RBFOX1: variants seen among roughly 807,000 people sequenced by gnomAD.
RBFOX1 encodes RNA binding fox-1 homolog 1.
A neutral mutation model predicts 57.7 loss-of-function variants in RBFOX1; 8 were observed. That is an observed-to-expected ratio of 0.14 (90% CI 0.08 to 0.25). The LOEUF is 0.25. RBFOX1 is among the 10% of genes least tolerant of loss of function. The probability of loss-of-function intolerance (pLI) is 1.00; values close to 1 mark genes in which losing one functional copy is unlikely to be tolerated. For synonymous variants in RBFOX1, 326 were observed against 222.4 expected (o/e 1.47, Z -4.15); for missense variants, 611 against 548.5 (o/e 1.11, Z -1.14).
intron 4 of RBFOX1, among the ~76,000 whole-genome samples, chr16:7,324,002 A>G (rs921159609): frequency 6.6e-6 from 1 of 152,178 alleles, no homozygotes; most frequent in African/African-American, 2.4e-5. Context: ...GGATCAAACA[A>G]GATCCAGCAG....
chr16:5,604,466 G>A (rs78988032), downstream of RBFOX1, among the ~76,000 whole-genome samples: 5,662 of 152,220 alleles, frequency 0.037, 248 homozygotes, highest in African/African-American at 0.11. Flanking sequence ...GGCCACCTAC[G>A]GTTCCCTGCC....
intron 3 of RBFOX1, among the ~76,000 whole-genome samples, chr16:6,741,186 A>C (rs1415276288): frequency 2.6e-5 from 4 of 152,194 alleles, no homozygotes; most frequent in African/African-American, 4.8e-5. Context: ...ATAATAATAA[A>C]TAATAAATCT....
intron 1 of RBFOX1, among the ~76,000 whole-genome samples, chr16:6,198,906 C>G (rs2097197892): frequency 6.6e-6 from 1 of 151,698 alleles, no homozygotes; most frequent in South Asian, 2.1e-4. Context: ...TTTTTTTTCC[C>G]TATCATCCGC....
chr16:6,752,708 G>T (rs2075144285), intron 3 of RBFOX1, among the ~76,000 whole-genome samples: 1 of 152,066 alleles, frequency 6.6e-6, no homozygotes, highest in South Asian at 2.1e-4. Flanking sequence ...CATGCAACAG[G>T]TGCACCTATC....
At position 5,569,465 on chromosome 16, in the gene RBFOX1, T is replaced by G. The variant is rs868514262; in HGVS notation, c.259-29437T>G. On this transcript the variant is annotated intron_variant, in intron 2 of 2. Coordinates refer to the RBFOX1 transcript ENST00000585867. ...TTTTTTTTTTTTTTTTTTTTTTTTT[T>G]TTCTTCTTCTTTTTGGAGTACTCTC... Among the ~76,000 whole-genome samples the G allele has an allele frequency of 9.4e-3, 881 of 94,156 alleles. 6 individuals carry two copies. Among genetic ancestry groups the G allele is most frequent in the African/African-American group, 0.037 (853 of 23,246 alleles). 61.8% of individuals were successfully genotyped at this position (94,156 alleles called of 152,430 possible).
chr16:6,948,621 A>T (rs755765771), intron 3 of RBFOX1, among the ~76,000 whole-genome samples: 16 of 151,616 alleles, frequency 1.1e-4, no homozygotes, highest in Non-Finnish European at 2.1e-4. Flanking sequence ...ACTTCAAATG[A>T]TCTGCTCGCC....
intron 3 of RBFOX1, among the ~76,000 whole-genome samples, chr16:5,697,488 A>G (rs1309583385): frequency 1.3e-5 from 2 of 150,870 alleles, no homozygotes; most frequent in East Asian, 1.9e-4. Flanking sequence ...CAAGAGAACA[A>G]TGATGAATAA....
At chr16:6,227,398 T>C (rs966376623) in intron 1 of RBFOX1, among the ~76,000 whole-genome samples, 17 of 152,226 alleles carry the variant, frequency 1.1e-4, no homozygotes, top group African/African-American at 4.1e-4. Flanking sequence ...TTCTCCAATG[T>C]TCTGTGTTTG....
intron 1 of RBFOX1, among the ~76,000 whole-genome samples, chr16:5,437,433 A>G (rs754565958): frequency 1.4e-4 from 22 of 152,248 alleles, no homozygotes; most frequent in Non-Finnish European, 2.8e-4. Context: ...CAAGGAAATC[A>G]TCCTAAGTAT....
At chr16:5,443,589 C>G (rs760394730) in intron 1 of RBFOX1, among the ~76,000 whole-genome samples, 1 of 152,216 alleles carries the variant, frequency 6.6e-6, no homozygotes, top group Non-Finnish European at 1.5e-5. Context: ...ATTCTCCCAC[C>G]TTGGCCTCCC....
At chr16:7,107,428 G>C (rs1193001305) in intron 4 of RBFOX1, among the ~76,000 whole-genome samples, 1 of 152,102 alleles carries the variant, frequency 6.6e-6, no homozygotes, top group African/African-American at 2.4e-5. Flanking sequence ...CTCGATTCTT[G>C]TACAACACTC....
intron 1 of RBFOX1, among the ~76,000 whole-genome samples, chr16:6,267,752 G>C (rs781130322): frequency 2.0e-5 from 3 of 152,010 alleles, no homozygotes; most frequent in African/African-American, 7.2e-5. Context: ...GGTACAAGTC[G>C]CTTAGATTTA....
At chr16:7,684,964 T>C (rs1332762666) in intron 14 of RBFOX1, among the ~76,000 whole-genome samples, 1 of 152,110 alleles carries the variant, frequency 6.6e-6, no homozygotes, top group African/African-American at 2.4e-5. Context: ...TAACTTGTTC[T>C]GTTTTGAAAT....
At chr16:6,619,023 TC>T (rs2098185225) in intron 2 of RBFOX1, among the ~76,000 whole-genome samples, 3 of 152,224 alleles carry the variant, frequency 2.0e-5, no homozygotes, top group Admixed American at 2.0e-4. Context: ...CTTAATCGTT[TC>T]CCAGGGGATC....
At chr16:6,995,215 CAATT>C (rs1331142699) in intron 3 of RBFOX1, among the ~76,000 whole-genome samples, 2 of 149,928 alleles carry the variant, frequency 1.3e-5, no homozygotes, top group Admixed American at 6.7e-5. Flanking sequence ...GTAATGTGAT[CAATT>C]AATTAGAGCA....
intron 4 of RBFOX1, among the ~76,000 whole-genome samples, chr16:7,263,449 G>A (rs922191737): frequency 2.6e-5 from 4 of 152,264 alleles, no homozygotes; most frequent in African/African-American, 9.6e-5. Context: ...TAGTCTTGAT[G>A]CCTGGATCCC....
At chr16:5,713,415 G>A (rs975529187) in intron 3 of RBFOX1, among the ~76,000 whole-genome samples, 1 of 152,126 alleles carries the variant, frequency 6.6e-6, no homozygotes, top group South Asian at 2.1e-4. Context: ...GGTGAAACTT[G>A]TTCTTGTTTC....
intron 1 of RBFOX1, among the ~76,000 whole-genome samples, chr16:6,276,635 G>C (rs1040486293): frequency 4.6e-5 from 7 of 152,122 alleles, no homozygotes; most frequent in Admixed American, 3.3e-4. Flanking sequence ...GAGCCTCCGC[G>C]CCCGGCTGAG....
chr16:5,729,167 C>G (rs913680773), intron 3 of RBFOX1, among the ~76,000 whole-genome samples: 2 of 152,168 alleles, frequency 1.3e-5, no homozygotes, highest in Admixed American at 1.3e-4. Flanking sequence ...CACTTACAAA[C>G]TGTGTGTCTT....
Sources: gnomAD v4.1 joint callset for allele counts (sites outside exome capture counted in the v4.1 genomes callset) on GRCh38, gnomAD v4.1.1 for gene constraint, MANE v1.5 for transcripts, NCBI Gene and HGNC (gene_info 2026-07-23, HGNC 2026-07-21) for gene names.